SEMA4D: variants seen among roughly 807,000 people sequenced by gnomAD.
The protein encoded by SEMA4D is semaphorin-4D.
Under a neutral mutation model 74.8 loss-of-function variants are expected in SEMA4D, and 22 were observed. That is an observed-to-expected ratio of 0.29 (90% confidence interval 0.21 to 0.42). The LOEUF (loss-of-function observed/expected upper bound fraction) is 0.42, where lower values mean the gene tolerates loss of function less well. Among genes scored for constraint, SEMA4D ranks in the 10% least tolerant of loss-of-function variants. SEMA4D has a pLI of 1.00. For missense variants in SEMA4D, 937 were observed against 1,118.4 expected (o/e 0.84, Z 2.31); for synonymous variants, 445 against 463.7 (o/e 0.96, Z 0.52).
At chr9:89,462,199 A>G (rs1857416268) in intron 1 of SEMA4D, among the ~76,000 whole-genome samples, 1 of 152,214 alleles carries the variant, frequency 6.6e-6, no homozygotes, top group Non-Finnish European at 1.5e-5. Flanking sequence ...CCAGAAAGAA[A>G]TGCCAGAAAT....
rs61696689 is a variant in SEMA4D at position 89,461,700 on chromosome 9, C to CTTTTTTT, written c.-309-5754_-309-5748dup. On this transcript the variant is annotated intron_variant, in intron 1 of 15. Coordinates refer to ENST00000422704, the MANE Select transcript of SEMA4D (RefSeq NM_001371194.2). ...GGGCCAATGTGTATTTCTTTTTTCT[C>CTTTTTTT]TTTTTTTTTTTTTTTTTTTGGAGAC... is the stretch of plus-strand genomic sequence containing the variant. Among the ~76,000 whole-genome samples, 361 of 103,566 alleles carry CTTTTTTT rather than the reference C, an allele frequency of 3.5e-3. 2 individuals are homozygous for CTTTTTTT. Among genetic ancestry groups the CTTTTTTT allele is most frequent in the South Asian group, 4.5e-3 (12 of 2,638 alleles). 67.9% of individuals were successfully genotyped at this position (103,566 alleles called of 152,430 possible).
rs1373717284 is a variant in SEMA4D at position 89,484,043 on chromosome 9, C to T, written c.-310+13876G>A. Among the ~76,000 whole-genome samples the T allele has an allele frequency of 6.6e-6, 1 of 152,238 alleles. No individual in the cohort carries two copies. Among genetic ancestry groups the T allele is most frequent in the Admixed American group, 6.5e-5 (1 of 15,286 alleles). On this transcript the variant is annotated intron_variant, in intron 1 of 15. Transcript: ENST00000422704. The surrounding 1 kb of genome is among the most constrained non-coding windows in gnomAD (Gnocchi z 4.1). ...CAACAACCACTGAGGGACAACCCCA[C>T]TAAGGAAGAGGGCGGGCCCCACTGA...
intron 2 of SEMA4D, chr9:89,418,502 T>C (rs1323797500): frequency 2.4e-6 from 2 of 817,622 alleles, no homozygotes; most frequent in African/African-American, 3.7e-5. Flanking sequence ...TTAAAATTCA[T>C]CTTCATGAGG....
In SEMA4D at chr9:89,492,250, C is replaced by T. The variant is rs1368132194; in HGVS notation, c.-310+5669G>A. 1.3e-5 allele frequency among the ~76,000 whole-genome samples: 2 copies of T among 152,126 alleles called. No homozygotes were observed. Among genetic ancestry groups the T allele is most frequent in the African/African-American group, 2.4e-5 (1 of 41,402 alleles). On this transcript the variant is annotated intron_variant, in intron 1 of 15. Coordinates refer to ENST00000422704, the MANE Select transcript of SEMA4D (RefSeq NM_001371194.2). The surrounding 1 kb of genome is among the most constrained non-coding windows in gnomAD (Gnocchi z 4.3). Reference sequence around the variant, plus strand: ...CACCTTCGTGACCTCCGCTGTCACCCTCCCTCTCATGCAAGCTGCATGTGG... The same window carrying T: ...CACCTTCGTGACCTCCGCTGTCACCTTCCCTCTCATGCAAGCTGCATGTGG...
At position 89,379,372 on chromosome 9, in the gene SEMA4D, T is replaced by A; in HGVS notation, c.1921A>T (p.Lys641Ter). The change falls in exon 16 of 16, where the codon AAG becomes TAG. Residue 641 changes from lysine to a stop codon, truncating the protein, a stop_gained. Transcript: ENST00000422704. LOFTEE classifies it low-confidence loss of function (END_TRUNC). ...ACCACCTTCACTTCCAGGACGTGCT[T>A]GGCGACCACTTGGAAGACCGTTTTG... ...KNKTVFQVVA[K>*]HVLEVKVVPK... The A allele has an allele frequency of 6.2e-7, 1 of 1,614,194 alleles. No individual in the cohort carries two copies. Among genetic ancestry groups the A allele is most frequent in the Non-Finnish European group, 8.5e-7 (1 of 1,180,042 alleles).
At chr9:89,419,738 C>G (rs943519702) in intron 2 of SEMA4D, among the ~76,000 whole-genome samples, 7 of 149,498 alleles carry the variant, frequency 4.7e-5, no homozygotes, top group African/African-American at 1.5e-4. Flanking sequence ...CAAGGCAAAA[C>G]CCCGTCTCTA....
In SEMA4D at chr9:89,450,278, A is replaced by C. The variant is rs969038307; in HGVS notation, c.-244+5610T>G. 98 of 954,358 alleles carry C rather than the reference A, an allele frequency of 1.0e-4. 1 individual carries two copies. In the South Asian group the frequency reaches 1.1e-3, roughly 11 times the overall value. The allele number at this position is 954,358 out of a possible 1,614,324, so 59.1% of individuals were successfully genotyped here. On this transcript the variant is annotated intron_variant, in intron 2 of 15. Coordinates refer to ENST00000422704, the MANE Select transcript of SEMA4D (RefSeq NM_001371194.2). The stretch of plus-strand genomic sequence containing the variant: ...CAGGAAAGGGCAAGACCAAGGATGC[A>C]GGAGAGAGAACCACTATGTACAAAT...
At chr9:89,399,696 CCATT>C (rs938929697) in intron 4 of SEMA4D, among the ~76,000 whole-genome samples, 3 of 152,060 alleles carry the variant, frequency 2.0e-5, no homozygotes, top group African/African-American at 4.8e-5. Context: ...TTTTTTCCAT[CCATT>C]CAAAGTGACT....
chr9:89,474,341 A>C (rs1861229199), intron 1 of SEMA4D, among the ~76,000 whole-genome samples: 1 of 151,324 alleles, frequency 6.6e-6, no homozygotes, highest in Non-Finnish European at 1.5e-5. Context: ...TTTAGCAATC[A>C]CCAGCATTCG....
At chr9:89,445,303 G>A (rs897058113) in intron 2 of SEMA4D, among the ~76,000 whole-genome samples, 5 of 152,170 alleles carry the variant, frequency 3.3e-5, no homozygotes, top group South Asian at 2.1e-4. Context: ...GCATGGCCAG[G>A]GTATTCACGG....
chr9:89,424,581 G>A (rs1280221998), intron 2 of SEMA4D, among the ~76,000 whole-genome samples: 4 of 151,900 alleles, frequency 2.6e-5, no homozygotes, highest in African/African-American at 9.7e-5. Flanking sequence ...TAATTCCTGA[G>A]TGTCTCCTTT....
intron 2 of SEMA4D, chr9:89,436,335 A>G (rs1294073926): frequency 6.6e-6 from 1 of 152,280 alleles, no homozygotes. Context: ...TCCAGGGGCC[A>G]TGCTCCTGAC....
intron 15 of SEMA4D, 138 bp from the exon 16 acceptor site, chr9:89,379,767 TAA>T (rs1836590755): frequency 1.9e-6 from 2 of 1,070,070 alleles, no homozygotes; most frequent in South Asian, 1.6e-5. Flanking sequence ...ACTAAGGAGA[TAA>T]AGACATGCGT....
At chr9:89,440,969 G>A (rs565171561) in intron 2 of SEMA4D, among the ~76,000 whole-genome samples, 12 of 152,346 alleles carry the variant, frequency 7.9e-5, no homozygotes, top group African/African-American at 2.9e-4. Flanking sequence ...ACCCAAGAGG[G>A]CAAAACAGCA....
intron 2 of SEMA4D, among the ~76,000 whole-genome samples, chr9:89,439,885 G>A (rs78388278): frequency 0.061 from 9,255 of 152,212 alleles, 532 homozygotes; most frequent in East Asian, 0.29. Flanking sequence ...CAAGCTCACC[G>A]CATCTTAGTG....
chr9:89,486,071 G>A (rs533284381), intron 1 of SEMA4D, among the ~76,000 whole-genome samples: 12 of 152,260 alleles, frequency 7.9e-5, no homozygotes, highest in African/African-American at 2.6e-4. Context: ...CACCATGAAC[G>A]TCATCTAGCA....
intron 16 of SEMA4D, among the ~76,000 whole-genome samples, chr9:89,365,927 G>A (rs749721270): frequency 1.3e-5 from 2 of 152,136 alleles, no homozygotes; most frequent in African/African-American, 2.4e-5. Context: ...ATCTTTGTCC[G>A]GTCTCTTGGT....
At chr9:89,370,555 GTGC>G in intron 16 of SEMA4D, among the ~76,000 whole-genome samples, 1 of 150,232 alleles carries the variant, frequency 6.7e-6, no homozygotes, top group East Asian at 2.0e-4. Context: ...AGGGGGTGTG[GTGC>G]TGGTGTGTGG....
chr9:89,439,122 C>T (rs1851153179), intron 2 of SEMA4D, among the ~76,000 whole-genome samples: 2 of 151,908 alleles, frequency 1.3e-5, no homozygotes, highest in Admixed American at 1.3e-4. Flanking sequence ...GCTGGGATTA[C>T]AGGCACCCAC....
Sources: allele counts gnomAD v4.1 joint callset (sites outside exome capture counted in the v4.1 genomes callset), GRCh38; gene constraint gnomAD v4.1.1; non-coding constraint Gnocchi (gnomAD v3.1); transcripts MANE v1.5; gene names NCBI Gene and HGNC (gene_info 2026-07-23, HGNC 2026-07-21).